Variants in GRM8 observed in about 807,000 individuals in gnomAD.
The protein encoded by GRM8 is glutamate metabotropic receptor 8.
Under a neutral mutation model 87.2 loss-of-function variants are expected in GRM8, and 47 were observed. The observed-to-expected ratio is 0.54, with a 90% CI of 0.43 to 0.69. The LOEUF is 0.69. Ranked by LOEUF, GRM8 falls within the 30% of genes least tolerant of loss-of-function variation. The probability of loss-of-function intolerance (pLI) is 0.00; values close to 1 mark genes in which losing one functional copy is unlikely to be tolerated. For missense variants in GRM8, 1,019 were observed against 1,139.2 expected (o/e 0.89, Z 1.52); for synonymous variants, 396 against 404.5 (o/e 0.98, Z 0.25).
chr7:126,916,734 A>C (rs1319685673), intron 3 of GRM8, among the ~76,000 whole-genome samples: 3 of 152,220 alleles, frequency 2.0e-5, no homozygotes, highest in Non-Finnish European at 2.9e-5. Context: ...TGATAGCAGA[A>C]AGGTCATTAT....
intron 9 of GRM8, among the ~76,000 whole-genome samples, chr7:126,472,683 C>T (rs554747752): frequency 3.0e-4 from 46 of 152,292 alleles, no homozygotes; most frequent in African/African-American, 1.1e-3. Flanking sequence ...ACTGCCACGA[C>T]AATGGGGAAA....
chr7:126,510,841 G>A (rs1167015154), intron 9 of GRM8, among the ~76,000 whole-genome samples: 1 of 152,036 alleles, frequency 6.6e-6, no homozygotes, highest in East Asian at 1.9e-4. Flanking sequence ...TGTGACATTG[G>A]CACATATTTG....
chr7:126,887,911 T>C (rs1315504200), intron 6 of GRM8, among the ~76,000 whole-genome samples: 1 of 152,040 alleles, frequency 6.6e-6, no homozygotes, highest in Non-Finnish European at 1.5e-5. Flanking sequence ...TGGACTCTAC[T>C]GAAATAAACT....
intron 7 of GRM8, among the ~76,000 whole-genome samples, chr7:126,699,119 T>C (rs60676251): frequency 0.059 from 8,910 of 152,240 alleles, 787 homozygotes; most frequent in African/African-American, 0.19. Context: ...ACCCTGCACC[T>C]GACTGCCAGG....
At chr7:126,620,267 T>A (rs1193922596) in intron 7 of GRM8, among the ~76,000 whole-genome samples, 3 of 152,140 alleles carry the variant, frequency 2.0e-5, no homozygotes, top group Non-Finnish European at 4.4e-5. Flanking sequence ...CAACTCCAGG[T>A]GACAGAGCAA....
At chr7:126,917,720 T>C (rs529984941) in intron 3 of GRM8, among the ~76,000 whole-genome samples, 1 of 152,208 alleles carries the variant, frequency 6.6e-6, no homozygotes, top group Non-Finnish European at 1.5e-5. Context: ...CCTTGGTCAT[T>C]AGGTTGCCTC....
chr7:126,660,105 T>C (rs1804983642), intron 7 of GRM8, among the ~76,000 whole-genome samples: 1 of 152,204 alleles, frequency 6.6e-6, no homozygotes, highest in African/African-American at 2.4e-5. Flanking sequence ...TTGAAAGATC[T>C]CTGTGCTGCA....
intron 9 of GRM8, among the ~76,000 whole-genome samples, chr7:126,501,699 AAG>A (rs1809669923): frequency 6.6e-6 from 1 of 152,002 alleles, no homozygotes; most frequent in South Asian, 2.1e-4. Context: ...CTAACTCTTC[AAG>A]AGATCCAAAT....
chr7:126,879,869 G>A (rs1261180480), intron 6 of GRM8, among the ~76,000 whole-genome samples: 1 of 152,136 alleles, frequency 6.6e-6, no homozygotes, highest in African/African-American at 2.4e-5. Context: ...TTAGTCAGGG[G>A]TGAGAGATAG....
rs139853541 is a variant in GRM8 at position 127,199,879 on chromosome 7, A to C, written c.510+42816T>G. On this transcript the variant is annotated intron_variant, in intron 2 of 10. Transcript: ENST00000339582. ...CTTCAGACAAAATACTATTCAGTTTATTATACTATTGATTTTTAGAATACT... is the reference window on the plus strand; with the variant it reads ...CTTCAGACAAAATACTATTCAGTTTCTTATACTATTGATTTTTAGAATACT... 8.4e-3 allele frequency among the ~76,000 whole-genome samples: 1,286 copies of C among 152,192 alleles called. 6 individuals carry two copies. The highest frequency in any genetic ancestry group is 0.014 in the Non-Finnish European group (957 of 68,016).
intron 7 of GRM8, among the ~76,000 whole-genome samples, chr7:126,686,955 C>T (rs572391447): frequency 6.6e-5 from 10 of 152,382 alleles, no homozygotes; most frequent in Non-Finnish European, 1.0e-4. Flanking sequence ...AGGTGCCTGT[C>T]ACCCTACAAT....
At chr7:127,032,324 C>T (rs1374475590) in intron 3 of GRM8, among the ~76,000 whole-genome samples, 3 of 152,118 alleles carry the variant, frequency 2.0e-5, no homozygotes, top group African/African-American at 7.2e-5. Context: ...ATTGCTATTT[C>T]CCTCAGGACT....
intron 3 of GRM8, among the ~76,000 whole-genome samples, chr7:127,095,031 C>T (rs1215005505): frequency 1.3e-5 from 2 of 152,184 alleles, no homozygotes; most frequent in Non-Finnish European, 2.9e-5. Context: ...TCAAACCTTA[C>T]CAGCTGTGTG....
chr7:127,059,299 A>C (rs1011100651), intron 3 of GRM8, among the ~76,000 whole-genome samples: 1 of 152,042 alleles, frequency 6.6e-6, no homozygotes, highest in Non-Finnish European at 1.5e-5. Flanking sequence ...GTTTTCTCAA[A>C]ATGATTGGTT....
intron 10 of GRM8, among the ~76,000 whole-genome samples, chr7:126,442,235 T>C (rs1245393550): frequency 6.6e-6 from 1 of 152,084 alleles, no homozygotes; most frequent in Non-Finnish European, 1.5e-5. Context: ...TGAGACCTAA[T>C]GGAGTCTTAC....
intron 6 of GRM8, among the ~76,000 whole-genome samples, chr7:126,787,592 T>C (rs1446471815): frequency 6.6e-6 from 1 of 152,146 alleles, no homozygotes; most frequent in Non-Finnish European, 1.5e-5. Context: ...GAGAAAACAT[T>C]CTCAAACTTC....
intron 10 of GRM8, among the ~76,000 whole-genome samples, chr7:126,442,707 T>C (rs1047505403): frequency 2.6e-5 from 4 of 152,026 alleles, no homozygotes; most frequent in Non-Finnish European, 4.4e-5. Context: ...CTTTCTAACT[T>C]TGGGGCTCTG....
intron 3 of GRM8, chr7:127,076,144 G>T (rs1267666420): frequency 4.4e-6 from 2 of 456,482 alleles, no homozygotes; most frequent in Non-Finnish European, 8.8e-6. Context: ...GCATCTGACA[G>T]CTGCATTAGA....
At chr7:126,609,595 G>A in intron 7 of GRM8, 97 bp from the exon 8 acceptor site, 1 of 854,468 alleles carries the variant, frequency 1.2e-6, no homozygotes. Context: ...AAAATATATT[G>A]TGTGAAGTAA....
Sources: allele counts gnomAD v4.1 joint callset (sites outside exome capture counted in the v4.1 genomes callset), GRCh38; gene constraint gnomAD v4.1.1; transcripts MANE v1.5; gene names NCBI Gene and HGNC (gene_info 2026-07-23, HGNC 2026-07-21).